NRG3: variants seen among roughly 807,000 people sequenced by gnomAD.
NRG3 encodes pro-neuregulin-3, membrane-bound isoform.
In NRG3, 31 loss-of-function variants were observed where a neutral mutation model predicts 66.9. The observed-to-expected ratio is 0.46, with a 90% CI of 0.35 to 0.63. The LOEUF (loss-of-function observed/expected upper bound fraction) is 0.63, where lower values mean the gene tolerates loss of function less well. Among genes scored for constraint, NRG3 ranks in the 20% least tolerant of loss-of-function variants. The probability of loss-of-function intolerance (pLI) is 0.00; values close to 1 mark genes in which losing one functional copy is unlikely to be tolerated. For missense variants in NRG3, 910 were observed against 878.9 expected (o/e 1.04, Z -0.45); for synonymous variants, 393 against 359.4 (o/e 1.09, Z -1.06).
intron 1 of NRG3, among the ~76,000 whole-genome samples, chr10:81,994,622 G>A (rs963869485): frequency 2.6e-5 from 4 of 151,730 alleles, no homozygotes; most frequent in Non-Finnish European, 5.9e-5. Flanking sequence ...GCTTTCTATT[G>A]CTCCTATACA....
chr10:82,138,790 A>G (rs975693545), intron 1 of NRG3, among the ~76,000 whole-genome samples: 4 of 152,154 alleles, frequency 2.6e-5, no homozygotes, highest in African/African-American at 9.6e-5. Flanking sequence ...TTGGAGTCTA[A>G]TGTTCAAGGG....
chr10:82,245,987 T>TG (rs766120057), intron 1 of NRG3, among the ~76,000 whole-genome samples: 2,677 of 149,382 alleles, frequency 0.018, 40 homozygotes, highest in South Asian at 0.026. Context: ...GGTTTTTTTT[T>TG]TTTTTTTTTT....
intron 4 of NRG3, among the ~76,000 whole-genome samples, chr10:82,896,654 C>T (rs1843690749): frequency 3.3e-5 from 5 of 152,008 alleles, no homozygotes; most frequent in Admixed American, 3.3e-4. Context: ...AAGTCAGTAC[C>T]TCAAATGTGG....
intron 2 of NRG3, among the ~76,000 whole-genome samples, chr10:82,630,521 T>G (rs1469892443): frequency 6.6e-6 from 1 of 152,002 alleles, no homozygotes; most frequent in Non-Finnish European, 1.5e-5. Context: ...AGTGTAAGAA[T>G]TTTAAGTTGG....
intron 1 of NRG3, among the ~76,000 whole-genome samples, chr10:81,903,650 A>C (rs961728825): frequency 1.3e-5 from 2 of 152,318 alleles, no homozygotes; most frequent in Non-Finnish European, 2.9e-5. Flanking sequence ...CAGTGAACCC[A>C]TCTGGAGAGT....
intron 2 of NRG3, among the ~76,000 whole-genome samples, chr10:82,502,164 G>T (rs1224659836): frequency 6.6e-6 from 1 of 151,972 alleles, no homozygotes; most frequent in South Asian, 2.1e-4. Flanking sequence ...AAAAATTAGG[G>T]TTTTTTTTGT....
chr10:81,963,649 A>C (rs886130856), intron 1 of NRG3, among the ~76,000 whole-genome samples: 5 of 152,124 alleles, frequency 3.3e-5, no homozygotes, highest in African/African-American at 1.2e-4. Flanking sequence ...CATGTCATCC[A>C]TCCACGTCCC....
chr10:82,522,351 GA>G (rs1402281846), intron 2 of NRG3, among the ~76,000 whole-genome samples: 1 of 152,014 alleles, frequency 6.6e-6, no homozygotes, highest in East Asian at 1.9e-4. Flanking sequence ...GGCCTCCACT[GA>G]AGTCTTGAGG....
chr10:82,556,023 G>A (rs893951702), intron 2 of NRG3, among the ~76,000 whole-genome samples: 7 of 152,046 alleles, frequency 4.6e-5, no homozygotes, highest in African/African-American at 1.7e-4. Context: ...CTCTTGTCAA[G>A]GTCACCAAAT....
At chr10:82,824,122 A>G (rs2062076495) in intron 3 of NRG3, among the ~76,000 whole-genome samples, 1 of 152,134 alleles carries the variant, frequency 6.6e-6, no homozygotes. Flanking sequence ...TTTACATCTT[A>G]TTATACTTAC....
intron 1 of NRG3, among the ~76,000 whole-genome samples, chr10:82,058,874 T>C (rs181437723): frequency 3.3e-5 from 5 of 152,242 alleles, no homozygotes; most frequent in African/African-American, 1.2e-4. Context: ...TGGGAACGTA[T>C]ATAGGAGGTG....
intron 1 of NRG3, among the ~76,000 whole-genome samples, chr10:82,307,693 T>A (rs879592466): frequency 8.5e-5 from 13 of 152,098 alleles, no homozygotes; most frequent in Non-Finnish European, 1.6e-4. Context: ...GTAATATTTA[T>A]TAGGTTGGTG....
intron 4 of NRG3, among the ~76,000 whole-genome samples, chr10:82,948,198 C>T (rs1849197689): frequency 6.6e-6 from 1 of 151,980 alleles, no homozygotes; most frequent in African/African-American, 2.4e-5. Context: ...ATTATGTTGG[C>T]ATCTTTGTCA....
chr10:82,051,407 C>G (rs1029169298), intron 1 of NRG3, among the ~76,000 whole-genome samples: 1 of 152,112 alleles, frequency 6.6e-6, no homozygotes, highest in Non-Finnish European at 1.5e-5. Context: ...CTAAGAGTCT[C>G]TGATCCCGTG....
intron 2 of NRG3, among the ~76,000 whole-genome samples, chr10:82,518,358 T>C (rs2132515088): frequency 1.3e-5 from 2 of 152,306 alleles, no homozygotes; most frequent in South Asian, 4.1e-4. Flanking sequence ...ATCTACCATG[T>C]GTCAGAGGCT....
intron 1 of NRG3, chr10:82,340,955 A>T (rs574304430): frequency 3.3e-5 from 5 of 152,278 alleles, no homozygotes; most frequent in Admixed American, 6.5e-5. Flanking sequence ...TATAGTCAAT[A>T]ATAATTGTAC....
chr10:82,477,136 C>A (rs1841856335), intron 2 of NRG3, among the ~76,000 whole-genome samples: 1 of 151,972 alleles, frequency 6.6e-6, no homozygotes, highest in African/African-American at 2.4e-5. Flanking sequence ...TGTGGGGATT[C>A]CATATGGAGA....
At chr10:82,672,838 CT>C (rs2053392609) in intron 2 of NRG3, among the ~76,000 whole-genome samples, 1 of 152,168 alleles carries the variant, frequency 6.6e-6, no homozygotes, top group Non-Finnish European at 1.5e-5. Context: ...CAACTTTCGC[CT>C]CCCAGGTTCA....
At chr10:82,380,783 C>G (rs1370898726) in intron 2 of NRG3, among the ~76,000 whole-genome samples, 1 of 152,150 alleles carries the variant, frequency 6.6e-6, no homozygotes, top group East Asian at 1.9e-4. Flanking sequence ...TGTACCTACA[C>G]TGTAACTAAT....
Sources: allele counts gnomAD v4.1 joint callset (sites outside exome capture counted in the v4.1 genomes callset), GRCh38; gene constraint gnomAD v4.1.1; transcripts MANE v1.5; gene names NCBI Gene and HGNC (gene_info 2026-07-23, HGNC 2026-07-21).